The following PHACTR1 variants were observed in gnomAD, a reference collection of about 807,000 sequenced individuals.
PHACTR1 encodes the protein RPEL repeat containing 1.
In PHACTR1, 16 loss-of-function variants were observed where a neutral mutation model predicts 69.2. The ratio of observed to expected loss-of-function variants is 0.23; its 90% CI spans 0.16 to 0.35. The LOEUF (loss-of-function observed/expected upper bound fraction) is 0.35. PHACTR1 is among the 10% of genes least tolerant of loss of function. The pLI, the probability that PHACTR1 is intolerant of heterozygous loss-of-function variation, is 1.00. For synonymous variants in PHACTR1, 312 were observed against 284.5 expected, an observed-to-expected ratio of 1.10 and a Z score of -0.97; for missense variants, 510 against 734.7, an observed-to-expected ratio of 0.69 and a Z score of 3.54.
At chr6:13,224,854 A>G (rs1437657896) in intron 8 of PHACTR1, among the ~76,000 whole-genome samples, 3 of 152,164 alleles carry the variant, frequency 2.0e-5, no homozygotes, top group African/African-American at 7.2e-5. Context: ...AGCTCTGGAG[A>G]CTGGACTGAA....
chr6:12,887,444 G>A (rs1453492426), intron 4 of PHACTR1, among the ~76,000 whole-genome samples: 1 of 152,190 alleles, frequency 6.6e-6, no homozygotes, highest in Non-Finnish European at 1.5e-5. Flanking sequence ...CTGAAAACCT[G>A]CCGGCTAAGC....
chr6:12,897,710 A>G (rs1308899069), intron 4 of PHACTR1, among the ~76,000 whole-genome samples: 2 of 149,548 alleles, frequency 1.3e-5, no homozygotes, highest in African/African-American at 4.9e-5. Flanking sequence ...TATTATTATT[A>G]TTATTATTAT....
intron 4 of PHACTR1, among the ~76,000 whole-genome samples, chr6:12,892,238 G>A (rs1265917248): frequency 3.3e-5 from 5 of 151,558 alleles, no homozygotes; most frequent in Non-Finnish European, 1.5e-5. Flanking sequence ...TTTGCCAAAG[G>A]AGGACATTAA....
intron 10 of PHACTR1, among the ~76,000 whole-genome samples, chr6:13,259,933 A>G (rs907916856): frequency 1.3e-5 from 2 of 152,214 alleles, no homozygotes; most frequent in African/African-American, 4.8e-5. Flanking sequence ...CAGAGAGAAA[A>G]GGGCATAGTA....
intron 4 of PHACTR1, among the ~76,000 whole-genome samples, chr6:12,846,917 A>T (rs1366598725): frequency 2.6e-5 from 4 of 151,812 alleles, no homozygotes; most frequent in Admixed American, 2.6e-4. Context: ...GAATCTTCCA[A>T]CCTCAGCTTC....
chr6:12,758,551 A>C (rs927003224), intron 4 of PHACTR1, among the ~76,000 whole-genome samples: 1 of 152,018 alleles, frequency 6.6e-6, no homozygotes, highest in African/African-American at 2.4e-5. Flanking sequence ...TGACCCCATC[A>C]GATTGACATC....
At chr6:12,835,203 G>C (rs1456267535) in intron 4 of PHACTR1, among the ~76,000 whole-genome samples, 1 of 152,048 alleles carries the variant, frequency 6.6e-6, no homozygotes, top group East Asian at 1.9e-4. Context: ...GAAGTCAGGT[G>C]GGGAACCTTG....
intron 4 of PHACTR1, among the ~76,000 whole-genome samples, chr6:12,774,478 G>A (rs1283157949): frequency 1.3e-5 from 2 of 152,010 alleles, no homozygotes; most frequent in African/African-American, 2.4e-5. Flanking sequence ...TGCACCCCCC[G>A]CCTCCAGGGT....
chr6:13,054,597 G>T lies in PHACTR1; in HGVS notation c.415+1068G>T, dbSNP rs759747066. Among the ~76,000 whole-genome samples the T allele has an allele frequency of 5.0e-4, 76 of 152,248 alleles. 1 individual carries two copies. Among genetic ancestry groups the T allele is most frequent in the Non-Finnish European group, 8.5e-4 (58 of 68,016 alleles). On this transcript the variant is annotated intron_variant, in intron 5 of 14. Transcript: ENST00000332995. ...ACACTCACATCACCTCTTCATTTTT[G>T]TGTGCACAGAGAGAGCATGTACGTA...
Position 13,283,385 on chromosome 6 carries a change from T to G in PHACTR1, c.1510-37T>G. The G allele has an allele frequency of 1.2e-6, 2 of 1,608,738 alleles. No individual in the cohort carries two copies. The highest frequency in any genetic ancestry group is 1.7e-6 in the Non-Finnish European group (2 of 1,177,618). On this transcript the variant is annotated intron_variant, in intron 12 of 14. Transcript: ENST00000332995. This position sits in a 1 kb window ranked among gnomAD's most constrained non-coding sequence, Gnocchi z 4.7. ...AGGACCAAGTGCCATGGTCAACCCT[T>G]CTGGCTGACTGGGTCCATCTCTCTC...
intron 9 of PHACTR1, among the ~76,000 whole-genome samples, chr6:13,229,355 T>C (rs1381310736): frequency 6.6e-6 from 1 of 151,994 alleles, no homozygotes; most frequent in Non-Finnish European, 1.5e-5. Context: ...GGGAGCAAAA[T>C]CACCACTGGT....
At chr6:13,165,016 A>G (rs1759585865) in intron 6 of PHACTR1, among the ~76,000 whole-genome samples, 1 of 152,306 alleles carries the variant, frequency 6.6e-6, no homozygotes, top group East Asian at 1.9e-4. Context: ...GATTTAGATA[A>G]AAGTTTTAAA....
At chr6:12,891,775 A>G (rs982828094) in intron 4 of PHACTR1, among the ~76,000 whole-genome samples, 3 of 152,204 alleles carry the variant, frequency 2.0e-5, no homozygotes, top group Non-Finnish European at 2.9e-5. Context: ...ACAGCCTTAC[A>G]AGGTTTTGTA....
intron 4 of PHACTR1, among the ~76,000 whole-genome samples, chr6:12,850,945 G>T (rs150653845): frequency 3.9e-5 from 6 of 152,062 alleles, no homozygotes; most frequent in Admixed American, 3.3e-4. Context: ...ACATTCCAAG[G>T]TACGGGAATT....
chr6:13,078,159 T>TG (rs1561797596), intron 5 of PHACTR1, among the ~76,000 whole-genome samples: 1 of 151,882 alleles, frequency 6.6e-6, no homozygotes, highest in Admixed American at 6.6e-5. Context: ...CTGTTTTTTT[T>TG]GGGGGGAGTG....
intron 4 of PHACTR1, among the ~76,000 whole-genome samples, chr6:12,882,188 G>A (rs1299870319): frequency 6.6e-6 from 1 of 152,104 alleles, no homozygotes; most frequent in East Asian, 1.9e-4. Context: ...CTTCGCATGG[G>A]AAACAGGGTG....
intron 7 of PHACTR1, 63 bp from the exon 8 acceptor site, chr6:13,205,752 T>A: frequency 6.9e-7 from 1 of 1,445,494 alleles, no homozygotes; most frequent in Non-Finnish European, 9.5e-7. Flanking sequence ...GCGCATCTGG[T>A]GTTCTGAGTT....
At chr6:13,013,748 C>G (rs1799730733) in intron 4 of PHACTR1, among the ~76,000 whole-genome samples, 1 of 149,840 alleles carries the variant, frequency 6.7e-6, no homozygotes, top group African/African-American at 2.4e-5. Context: ...GGCGCCCTCC[C>G]CGACCCGCCC....
At chr6:12,786,195 A>G (rs1771523257) in intron 4 of PHACTR1, among the ~76,000 whole-genome samples, 1 of 152,192 alleles carries the variant, frequency 6.6e-6, no homozygotes, top group Non-Finnish European at 1.5e-5. Context: ...TCAATTATAA[A>G]GGAATGTAAT....
Sources: gnomAD v4.1 joint callset for allele counts (sites outside exome capture counted in the v4.1 genomes callset) on GRCh38, gnomAD v4.1.1 for gene constraint, Gnocchi (gnomAD v3.1) non-coding constraint, MANE v1.5 for transcripts, NCBI Gene and HGNC (gene_info 2026-07-23, HGNC 2026-07-21) for gene names.